The following EDIL3 variants were observed in gnomAD, a reference collection of about 807,000 sequenced individuals.
EDIL3 encodes EGF-like repeat and discoidin I-like domain-containing protein 3.
A neutral mutation model predicts 67.4 loss-of-function variants in EDIL3; 37 were observed. The observed-to-expected ratio is 0.55, with a 90% CI of 0.42 to 0.72. The LOEUF is 0.72. Ranked by LOEUF, EDIL3 falls within the 30% of genes least tolerant of loss-of-function variation. EDIL3 has a pLI of 0.00. For synonymous variants in EDIL3, 195 were observed against 196.3 expected (o/e 0.99, Z 0.05); for missense variants, 527 against 586.3 (o/e 0.90, Z 1.04).
chr5:84,237,108 A>G (rs1240354913), intron 2 of EDIL3, among the ~76,000 whole-genome samples: 1 of 152,080 alleles, frequency 6.6e-6, no homozygotes, highest in Non-Finnish European at 1.5e-5. Flanking sequence ...AGCACCTGAC[A>G]GCAGGAAGCT....
intron 9 of EDIL3, among the ~76,000 whole-genome samples, chr5:83,971,441 T>C (rs1188018708): frequency 6.6e-6 from 1 of 151,894 alleles, no homozygotes; most frequent in Non-Finnish European, 1.5e-5. Flanking sequence ...TGGTTAACCT[T>C]TTATTTTTTG....
At chr5:84,071,325 T>C (rs1746737120) in intron 6 of EDIL3, among the ~76,000 whole-genome samples, 1 of 152,174 alleles carries the variant, frequency 6.6e-6, no homozygotes, top group Admixed American at 6.5e-5. Context: ...CTAGCTAAGG[T>C]ATTAATAACA....
intron 6 of EDIL3, among the ~76,000 whole-genome samples, chr5:84,067,535 A>G (rs186240830): frequency 6.6e-6 from 1 of 152,318 alleles, no homozygotes; most frequent in East Asian, 1.9e-4. Flanking sequence ...AAAAATATAA[A>G]TTGGAAAAAT....
intron 6 of EDIL3, among the ~76,000 whole-genome samples, chr5:84,106,348 T>C (rs1443720792): frequency 4.6e-5 from 7 of 152,126 alleles, no homozygotes. Context: ...CTAAACGTTA[T>C]CACAGTGGTA....
Position 83,943,075 on chromosome 5 carries a change from A to T in EDIL3, c.*344T>A, listed in dbSNP as rs570702262. 4.0e-6 allele frequency: 1 copy of T among 249,994 alleles called. No homozygotes were observed. Among genetic ancestry groups the T allele is most frequent in the Non-Finnish European group, 7.9e-6 (1 of 127,298 alleles). The allele number at this position is 249,994 out of a possible 1,614,324, so 15.5% of individuals were successfully genotyped here. On this transcript the variant is annotated 3_prime_UTR_variant, in exon 11 of 11. Coordinates refer to ENST00000296591, the MANE Select transcript of EDIL3 (RefSeq NM_005711.5). ...CTCTATCAACTCTTGCTCTTATTTG[A>T]TGACTTTGAGACTTTTTTACTCTTG...
chr5:84,031,243 A>G (rs1372717664), intron 9 of EDIL3, among the ~76,000 whole-genome samples: 2 of 152,206 alleles, frequency 1.3e-5, no homozygotes, highest in Non-Finnish European at 2.9e-5. Flanking sequence ...GGGCGACACA[A>G]TTCAGCCCAT....
intron 4 of EDIL3, among the ~76,000 whole-genome samples, chr5:84,163,033 A>G (rs2112341555): frequency 6.6e-6 from 1 of 152,266 alleles, no homozygotes; most frequent in South Asian, 2.1e-4. Context: ...GTAAATATTT[A>G]GGGAAAACAG....
chr5:84,206,087 T>A (rs1231022569), intron 3 of EDIL3, among the ~76,000 whole-genome samples: 4 of 150,974 alleles, frequency 2.6e-5, no homozygotes, highest in Non-Finnish European at 5.9e-5. Flanking sequence ...GCTTTGAATG[T>A]GTCCCAGAGA....
intron 6 of EDIL3, among the ~76,000 whole-genome samples, chr5:84,104,157 C>G (rs10051312): frequency 0.24 from 36,503 of 151,752 alleles, 4,685 homozygotes; most frequent in East Asian, 0.34. Context: ...CTTAGCACCA[C>G]TTACAGTGGG....
At chr5:83,980,913 A>G (rs746937833) in intron 9 of EDIL3, among the ~76,000 whole-genome samples, 2 of 151,886 alleles carry the variant, frequency 1.3e-5, no homozygotes, top group Non-Finnish European at 2.9e-5. Flanking sequence ...AAAGAATAAA[A>G]TATGTGAGGA....
chr5:84,211,785 T>TA (rs1164729478), intron 3 of EDIL3, among the ~76,000 whole-genome samples: 2 of 152,158 alleles, frequency 1.3e-5, no homozygotes, highest in Admixed American at 6.5e-5. Context: ...CTGTGAGAAT[T>TA]AAAAGAGTGT....
chr5:84,242,715 T>G (rs1043148131), intron 2 of EDIL3, among the ~76,000 whole-genome samples: 3 of 149,220 alleles, frequency 2.0e-5, no homozygotes, highest in African/African-American at 7.4e-5. Context: ...GGAAGATCAC[T>G]TGAGCCCCGG....
intron 3 of EDIL3, among the ~76,000 whole-genome samples, chr5:84,196,183 T>C (rs958788533): frequency 5.9e-5 from 9 of 151,940 alleles, no homozygotes; most frequent in Middle Eastern, 3.2e-3. Flanking sequence ...TTTATTGATA[T>C]TACTTTGCAA....
chr5:84,071,369 AG>A (rs1434430086), intron 6 of EDIL3, among the ~76,000 whole-genome samples: 1 of 152,216 alleles, frequency 6.6e-6, no homozygotes, highest in Non-Finnish European at 1.5e-5. Context: ...CATGATCAAA[AG>A]GAAAAAACAG....
At chr5:84,117,020 ATTTTTTT>A (rs34997139) in intron 5 of EDIL3, among the ~76,000 whole-genome samples, 69 of 83,240 alleles carry the variant, frequency 8.3e-4, no homozygotes, top group African/African-American at 2.3e-3. Context: ...TTAAGTACTT[ATTTTTTT>A]TTTTTTTTTT....
intron 1 of EDIL3, among the ~76,000 whole-genome samples, chr5:84,331,070 CA>C: frequency 6.6e-6 from 1 of 152,188 alleles, no homozygotes; most frequent in Admixed American, 6.5e-5. Flanking sequence ...ATGTTTTGGC[CA>C]ATTTCTCCTA....
At chr5:84,285,063 C>A (rs1745783113) in intron 1 of EDIL3, among the ~76,000 whole-genome samples, 1 of 152,110 alleles carries the variant, frequency 6.6e-6, no homozygotes, top group Admixed American at 6.5e-5. Context: ...GTAAGTTATT[C>A]TGTGTTAAAT....
rs1399145116 is a variant in EDIL3, at chr5:84,206,123, C to T, written c.226+23732G>A. 2.0e-5 allele frequency among the ~76,000 whole-genome samples: 3 copies of T among 150,878 alleles called. No individual in the cohort carries two copies. The East Asian group carries it at 5.9e-4, about 29-fold the overall frequency. On this transcript the variant is annotated intron_variant, in intron 3 of 10. Transcript: ENST00000296591. The stretch of plus-strand genomic sequence containing the variant: ...TTCTGGTATGTTGTGTCTTTGTTCT[C>T]GTTGGTTTCAAAGAACATCTTTATT...
At chr5:83,948,038 ATAGAGT>A (rs1438455289) in intron 10 of EDIL3, among the ~76,000 whole-genome samples, 2 of 151,848 alleles carry the variant, frequency 1.3e-5, no homozygotes. Context: ...AACTCAAAAG[ATAGAGT>A]GCGCCTTTGT....
Sources: allele counts gnomAD v4.1 joint callset (sites outside exome capture counted in the v4.1 genomes callset), GRCh38; gene constraint gnomAD v4.1.1; transcripts MANE v1.5; gene names NCBI Gene and HGNC (gene_info 2026-07-23, HGNC 2026-07-21).